The following CPQ variants were observed in gnomAD, a reference collection of about 807,000 sequenced individuals.
CPQ encodes Ser-Met dipeptidase.
A neutral mutation model predicts 45.7 loss-of-function variants in CPQ; 37 were observed. That is an observed-to-expected ratio of 0.81 (90% CI 0.62 to 1.07). The LOEUF (loss-of-function observed/expected upper bound fraction) is 1.07, where lower values mean the gene tolerates loss of function less well. CPQ is among the 50% of genes least tolerant of loss of function. The probability of loss-of-function intolerance (pLI) is 0.00; values close to 1 mark genes in which losing one functional copy is unlikely to be tolerated. For synonymous variants in CPQ, 186 were observed against 205.8 expected, an observed-to-expected ratio of 0.90 and a Z score of 0.82; for missense variants, 537 against 572.9, an observed-to-expected ratio of 0.94 and a Z score of 0.64.
intron 1 of CPQ, among the ~76,000 whole-genome samples, chr8:96,667,073 T>A (rs1410583558): frequency 6.9e-6 from 1 of 145,950 alleles, no homozygotes; most frequent in Non-Finnish European, 1.5e-5. Flanking sequence ...GTTATCTCAC[T>A]GGGGAAACAT....
rs565477160 is a variant in CPQ, at chr8:96,925,865, A to AT, written c.850-40066dup. Among the ~76,000 whole-genome samples, 486 of 138,060 alleles carry AT rather than the reference A, an allele frequency of 3.5e-3. 4 individuals carry two copies. The highest frequency in any genetic ancestry group is 4.8e-3 in the Non-Finnish European group (309 of 64,678). The allele number at this position is 138,060 out of a possible 152,430, so 90.6% of individuals were successfully genotyped here. On this transcript the variant is annotated intron_variant, in intron 4 of 7. Transcript: ENST00000220763. ...CCACAACGCCCAGCTAATTTTTTGT[A>AT]TTTTAGTAGAGATGGGGTTTCAACA...
chr8:97,109,959 ATCTT>A (rs1811471995), intron 7 of CPQ, among the ~76,000 whole-genome samples: 1 of 152,102 alleles, frequency 6.6e-6, no homozygotes, highest in South Asian at 2.1e-4. Context: ...AATCCATGCT[ATCTT>A]TCTACCCAAC....
intron 3 of CPQ, among the ~76,000 whole-genome samples, chr8:96,867,888 C>G (rs1812015831): frequency 6.6e-6 from 1 of 151,954 alleles, no homozygotes; most frequent in Non-Finnish European, 1.5e-5. Context: ...CACCCTTTGT[C>G]TTCACTGAGT....
Position 97,013,085 on chromosome 8 carries a change from AC to A in CPQ, c.962-16314del, listed in dbSNP as rs1228353090. Among the ~76,000 whole-genome samples, 5 of 151,906 alleles carry A rather than the reference AC, an allele frequency of 3.3e-5. No homozygotes were observed. The East Asian group carries it at 9.7e-4, about 29-fold the overall frequency. On this transcript the variant is annotated intron_variant, in intron 5 of 7. Transcript: ENST00000220763. ...CAAGGATTCCAGCCTATTTCCACCT[AC>A]CCCACCTGCCCAAGACCAGCCTTAT... is the stretch of plus-strand genomic sequence containing the variant.
chr8:96,801,008 C>T (rs2130822178), intron 2 of CPQ, among the ~76,000 whole-genome samples: 1 of 146,928 alleles, frequency 6.8e-6, no homozygotes, highest in East Asian at 2.0e-4. Flanking sequence ...CAGGGTCTCA[C>T]TCTGTCACCC....
At chr8:97,033,163 G>T (rs1809938056) in intron 6 of CPQ, among the ~76,000 whole-genome samples, 1 of 152,012 alleles carries the variant, frequency 6.6e-6, no homozygotes, top group Admixed American at 6.6e-5. Context: ...TTTATGGCGG[G>T]GGTGGGGAGA....
intron 4 of CPQ, among the ~76,000 whole-genome samples, chr8:96,884,699 G>C (rs1225135478): frequency 6.6e-6 from 1 of 152,170 alleles, no homozygotes; most frequent in African/African-American, 2.4e-5. Context: ...ACTGAGAACT[G>C]ATCTTTCATA....
At chr8:96,769,221 T>C (rs970122070) in intron 1 of CPQ, among the ~76,000 whole-genome samples, 4 of 152,188 alleles carry the variant, frequency 2.6e-5, no homozygotes, top group Admixed American at 2.0e-4. Context: ...ATTACACTTA[T>C]AGGGGGGATC....
At chr8:97,088,005 C>A (rs138165242) in intron 7 of CPQ, among the ~76,000 whole-genome samples, 27 of 152,070 alleles carry the variant, frequency 1.8e-4, no homozygotes, top group African/African-American at 6.5e-4. Context: ...ATTTGACTTT[C>A]AATTATTATA....
At chr8:97,124,225 C>CAAAA (rs34933920) in intron 7 of CPQ, among the ~76,000 whole-genome samples, 24 of 42,584 alleles carry the variant, frequency 5.6e-4, no homozygotes, top group African/African-American at 2.0e-3. Context: ...GACTCCGTCT[C>CAAAA]AAAAAAAAAA....
At chr8:96,748,125 A>G (rs1400737334) in intron 1 of CPQ, among the ~76,000 whole-genome samples, 2 of 151,946 alleles carry the variant, frequency 1.3e-5, no homozygotes, top group Non-Finnish European at 2.9e-5. Flanking sequence ...CATTGTTTCT[A>G]TTTCTTTTGT....
At chr8:97,039,080 G>A (rs754145481) in intron 6 of CPQ, among the ~76,000 whole-genome samples, 2 of 152,108 alleles carry the variant, frequency 1.3e-5, no homozygotes, top group Non-Finnish European at 2.9e-5. Context: ...TTCCCTGTAG[G>A]TATTTGGCCA....
chr8:97,119,624 GTTA>G (rs1356417662), intron 7 of CPQ, among the ~76,000 whole-genome samples: 6 of 152,122 alleles, frequency 3.9e-5, no homozygotes, highest in African/African-American at 1.4e-4. Context: ...TGACTGATGT[GTTA>G]TTATTATTCT....
chr8:96,903,420 G>A (rs1164992533), intron 4 of CPQ, among the ~76,000 whole-genome samples: 1 of 152,168 alleles, frequency 6.6e-6, no homozygotes, highest in African/African-American at 2.4e-5. Context: ...GTAAGTTCCA[G>A]TACTTAACAA....
At chr8:96,793,046 AG>A (rs1810870954) in intron 2 of CPQ, among the ~76,000 whole-genome samples, 2 of 152,100 alleles carry the variant, frequency 1.3e-5, no homozygotes, top group African/African-American at 2.4e-5. Context: ...CCCATGATTC[AG>A]TTACATCCCA....
chr8:96,995,644 T>C (rs1013162453), intron 5 of CPQ, among the ~76,000 whole-genome samples: 29 of 151,516 alleles, frequency 1.9e-4, no homozygotes, highest in African/African-American at 6.8e-4. Context: ...AGCTGAAATT[T>C]AGACTTGTGA....
intron 6 of CPQ, among the ~76,000 whole-genome samples, chr8:97,062,040 G>A (rs1379893707): frequency 6.6e-6 from 1 of 152,086 alleles, no homozygotes; most frequent in Admixed American, 6.6e-5. Context: ...TATTCTCTAT[G>A]TTCCTGTCAA....
chr8:96,824,939 A>T (rs1225063755), intron 2 of CPQ, among the ~76,000 whole-genome samples: 2 of 152,084 alleles, frequency 1.3e-5, no homozygotes, highest in Non-Finnish European at 2.9e-5. Flanking sequence ...AATATGCAAA[A>T]AGCATTGTGC....
intron 1 of CPQ, among the ~76,000 whole-genome samples, chr8:96,755,687 G>T (rs2130788207): frequency 6.6e-6 from 1 of 151,644 alleles, no homozygotes; most frequent in East Asian, 1.9e-4. Context: ...ATTTATTGTG[G>T]TTTACTTGAT....
Sources: allele counts gnomAD v4.1 joint callset (sites outside exome capture counted in the v4.1 genomes callset), GRCh38; gene constraint gnomAD v4.1.1; transcripts MANE v1.5; gene names NCBI Gene and HGNC (gene_info 2026-07-23, HGNC 2026-07-21).